Variants in NEGR1 observed in about 807,000 individuals in gnomAD.
NEGR1 encodes IgLON family member 4.
NEGR1 carries 10 observed loss-of-function variants against 40.9 expected under a neutral mutation model. The ratio of observed to expected loss-of-function variants is 0.24; its 90% CI spans 0.15 to 0.42. The LOEUF is 0.42. Among genes scored for constraint, NEGR1 ranks in the 10% least tolerant of loss-of-function variants. The pLI, the probability that NEGR1 is intolerant of heterozygous loss-of-function variation, is 1.00. For missense variants in NEGR1, 352 were observed against 438.9 expected, an observed-to-expected ratio of 0.80 and a Z score of 1.77; for synonymous variants, 185 against 166.8, an observed-to-expected ratio of 1.11 and a Z score of -0.84.
At chr1:71,449,428 T>C (rs538956696) in intron 6 of NEGR1, among the ~76,000 whole-genome samples, 1 of 152,326 alleles carries the variant, frequency 6.6e-6, no homozygotes, top group East Asian at 1.9e-4. Flanking sequence ...GTCAGCTTAT[T>C]GATGTTCAAA....
At chr1:71,594,631 G>A (rs558227286) in intron 5 of NEGR1, among the ~76,000 whole-genome samples, 2 of 152,200 alleles carry the variant, frequency 1.3e-5, no homozygotes, top group South Asian at 2.1e-4. Flanking sequence ...AGATAATGGG[G>A]CATAAAATAT....
chr1:72,202,784 T>C (rs1381705865), intron 1 of NEGR1, among the ~76,000 whole-genome samples: 1 of 152,056 alleles, frequency 6.6e-6, no homozygotes, highest in Non-Finnish European at 1.5e-5. Flanking sequence ...TGGTGGCTAA[T>C]GCAGCTGGTG....
chr1:71,835,361 C>T (rs912855361), intron 2 of NEGR1, among the ~76,000 whole-genome samples: 3 of 152,004 alleles, frequency 2.0e-5, no homozygotes, highest in Admixed American at 6.6e-5. Flanking sequence ...GTTTTGAGGA[C>T]AAAGGGAGCA....
chr1:71,718,218 T>G (rs1654341313), intron 3 of NEGR1, among the ~76,000 whole-genome samples: 1 of 152,182 alleles, frequency 6.6e-6, no homozygotes, highest in Non-Finnish European at 1.5e-5. Context: ...GTGGGAAGTA[T>G]TTTTATTATG....
intron 4 of NEGR1, among the ~76,000 whole-genome samples, chr1:71,680,612 A>T (rs1652807142): frequency 6.6e-6 from 1 of 151,984 alleles, no homozygotes; most frequent in South Asian, 2.1e-4. Flanking sequence ...TTCTGTTTTA[A>T]TTTTTGACTT....
chr1:72,108,618 A>T (rs1371328566), intron 1 of NEGR1, among the ~76,000 whole-genome samples: 1 of 151,662 alleles, frequency 6.6e-6, no homozygotes, highest in Non-Finnish European at 1.5e-5. Flanking sequence ...AATTTAGAGA[A>T]GTTGCTTTAC....
chr1:72,076,890 CTTT>C (rs56943357), intron 1 of NEGR1, among the ~76,000 whole-genome samples: 1 of 101,684 alleles, frequency 9.8e-6, no homozygotes, highest in African/African-American at 4.1e-5. Flanking sequence ...CTCATTTATC[CTTT>C]TTTTTTTTTT....
chr1:71,438,524 A>G (rs1046687409), intron 6 of NEGR1, among the ~76,000 whole-genome samples: 1 of 152,154 alleles, frequency 6.6e-6, no homozygotes, highest in Non-Finnish European at 1.5e-5. Context: ...GGCAATAAAG[A>G]GAGGTTTTAG....
At chr1:72,071,184 G>A (rs1228309136) in intron 1 of NEGR1, among the ~76,000 whole-genome samples, 1 of 151,700 alleles carries the variant, frequency 6.6e-6, no homozygotes, top group Non-Finnish European at 1.5e-5. Flanking sequence ...TTATTGAAAT[G>A]AGAAAAAAAG....
intron 5 of NEGR1, among the ~76,000 whole-genome samples, chr1:71,594,306 G>A (rs911093897): frequency 1.3e-5 from 2 of 152,082 alleles, no homozygotes; most frequent in African/African-American, 4.8e-5. Context: ...TCTCTTTAAT[G>A]TGTTCAAGTT....
At chr1:71,854,420 T>G (rs1426936212) in intron 2 of NEGR1, among the ~76,000 whole-genome samples, 1 of 152,076 alleles carries the variant, frequency 6.6e-6, no homozygotes, top group Non-Finnish European at 1.5e-5. Context: ...GAAAATACAT[T>G]TTTGTACCCC....
At chr1:71,428,626 G>A (rs1415925716) in intron 6 of NEGR1, among the ~76,000 whole-genome samples, 1 of 149,494 alleles carries the variant, frequency 6.7e-6, no homozygotes, top group African/African-American at 2.4e-5. Context: ...TAAAAACTTT[G>A]CATATATAAA....
intron 4 of NEGR1, among the ~76,000 whole-genome samples, chr1:71,665,863 A>T (rs1287051253): frequency 6.6e-6 from 1 of 152,168 alleles, no homozygotes; most frequent in Admixed American, 6.5e-5. Flanking sequence ...TCCTCCTCTA[A>T]GAGTATGCAT....
At chr1:72,197,501 C>T (rs907614937) in intron 1 of NEGR1, among the ~76,000 whole-genome samples, 6 of 151,914 alleles carry the variant, frequency 3.9e-5, no homozygotes, top group African/African-American at 1.4e-4. Flanking sequence ...GATTATTGTA[C>T]ACTAGAGATC....
intron 2 of NEGR1, among the ~76,000 whole-genome samples, chr1:71,911,815 T>C (rs982315861): frequency 2.6e-5 from 4 of 152,242 alleles, no homozygotes; most frequent in Non-Finnish European, 4.4e-5. Context: ...AGCTTTGTAA[T>C]TAGTCTTTAA....
rs370545580 is a variant in NEGR1 at position 71,699,078 on chromosome 1, G to A, written c.536-939C>T. ...ATCACATTCCAGTGCATATCAAAGG[G>A]AATTATGGAATGAAGCAATGCTTCC... On this transcript the variant is annotated intron_variant, in intron 3 of 6. Coordinates refer to ENST00000357731, the MANE Select transcript of NEGR1 (RefSeq NM_173808.3). Among the ~76,000 whole-genome samples, 261 of 151,918 alleles carry A rather than the reference G, an allele frequency of 1.7e-3. 3 individuals are homozygous for A. Among genetic ancestry groups the A allele is most frequent in the African/African-American group, 5.2e-3 (217 of 41,500 alleles).
intron 6 of NEGR1, among the ~76,000 whole-genome samples, chr1:71,510,117 AAAGG>A (rs1279900063): frequency 1.3e-5 from 2 of 152,194 alleles, no homozygotes; most frequent in Admixed American, 1.3e-4. Flanking sequence ...TGGAAAATAA[AAAGG>A]AATGGTGGCT....
intron 5 of NEGR1, among the ~76,000 whole-genome samples, chr1:71,600,061 G>A (rs934971143): frequency 1.3e-5 from 2 of 152,134 alleles, no homozygotes; most frequent in African/African-American, 4.8e-5. Context: ...AAAAAATCCT[G>A]AGAAGCCAGA....
At chr1:71,466,810 G>A (rs1217438836) in intron 6 of NEGR1, among the ~76,000 whole-genome samples, 1 of 152,024 alleles carries the variant, frequency 6.6e-6, no homozygotes, top group Non-Finnish European at 1.5e-5. Context: ...AAACCCACAG[G>A]GGTCCACGGA....
Sources: allele counts gnomAD v4.1 joint callset (sites outside exome capture counted in the v4.1 genomes callset), GRCh38; gene constraint gnomAD v4.1.1; transcripts MANE v1.5; gene names NCBI Gene and HGNC (gene_info 2026-07-23, HGNC 2026-07-21).